Variants in ARHGAP40 observed in about 807,000 individuals in gnomAD.
ARHGAP40 encodes the protein rho GTPase-activating protein 40.
A neutral mutation model predicts 73.5 loss-of-function variants in ARHGAP40; 43 were observed. That is an observed-to-expected ratio of 0.58 (90% CI 0.46 to 0.75). ARHGAP40 has a LOEUF of 0.75. Among genes scored for constraint, ARHGAP40 ranks in the 30% least tolerant of loss-of-function variants. The pLI is 0.00. For synonymous variants in ARHGAP40, 300 were observed against 352.8 expected (o/e 0.85, Z 1.68); for missense variants, 734 against 861.8 (o/e 0.85, Z 1.86).
chr20:38,605,402 T>C (rs1351076562), intron 1 of ARHGAP40, among the ~76,000 whole-genome samples: 1 of 152,088 alleles, frequency 6.6e-6, no homozygotes, highest in Non-Finnish European at 1.5e-5. Context: ...TGAGCAGGGA[T>C]GAATAGAGTC....
chr20:38,629,588 C>T (rs1460165521), exon 5 of ARHGAP40: 2 of 1,305,430 alleles, frequency 1.5e-6, no homozygotes, highest in Non-Finnish European at 2.0e-6. Context: ...AGCTGCGGTG[C>T]TCCTGCAGAG....
chr20:38,640,612 T>C (rs1280224883), intron 9 of ARHGAP40, among the ~76,000 whole-genome samples: 1 of 152,180 alleles, frequency 6.6e-6, no homozygotes, highest in Non-Finnish European at 1.5e-5. Context: ...CACTTCTTAC[T>C]AGGCCCACCT....
chr20:38,603,307 C>T (rs2088747262), intron 1 of ARHGAP40, among the ~76,000 whole-genome samples: 1 of 152,224 alleles, frequency 6.6e-6, no homozygotes, highest in Non-Finnish European at 1.5e-5. Flanking sequence ...CGCTGAGCTC[C>T]TATGTGCGTG....
rs1452847191 is a variant in ARHGAP40, at chr20:38,637,647, G to T, written c.950-61G>T. The T allele has an allele frequency of 3.2e-6, 4 of 1,230,954 alleles. No individual in the cohort carries two copies. The African/African-American group carries it at 6.2e-5, about 19-fold the overall frequency. 76.3% of individuals were successfully genotyped at this position (1,230,954 alleles called of 1,614,324 possible). A position where few individuals can be genotyped will look rare whatever the true frequency, so the allele number is the denominator to read the frequency against. On this transcript the variant is annotated intron_variant, in intron 6 of 14. Transcript: ENST00000373345. The stretch of plus-strand genomic sequence containing the variant: ...TCTAGTTGCCCAGGAGATCCTGTAG[G>T]TCGGAGCCCAGTGATCATTCCAAGA...
At chr20:38,640,856 A>G (rs537915455) in intron 9 of ARHGAP40, among the ~76,000 whole-genome samples, 72 of 152,298 alleles carry the variant, frequency 4.7e-4, no homozygotes, top group African/African-American at 1.7e-3. Context: ...GTGACCCCAC[A>G]CATCATGCTG....
In ARHGAP40 at chr20:38,603,699, G is replaced by A. The variant is rs371078374; in HGVS notation, c.137+1620G>A. Among the ~76,000 whole-genome samples the A allele has an allele frequency of 4.6e-5, 7 of 152,288 alleles. No homozygotes were observed. In the East Asian group the frequency reaches 1.2e-3, roughly 25 times the overall value. On this transcript the variant is annotated intron_variant, in intron 1 of 14. Coordinates refer to ENST00000373345, the Ensembl canonical transcript of ARHGAP40. ...AATGTGTTATCTGACAGTTCTGAAT[G>A]CTGGAAATCCCCAAATCGAGGAGTC...
chr20:38,627,215 G>A (rs562160307), exon 3 of ARHGAP40: 1 of 1,305,120 alleles, frequency 7.7e-7, no homozygotes, highest in Admixed American at 2.3e-5. Context: ...TCAATTCAGG[G>A]GTAAGTGGCA....
chr20:38,615,450 C>A, intron 1 of ARHGAP40: 1 of 705,320 alleles, frequency 1.4e-6, no homozygotes, highest in Non-Finnish European at 2.6e-6. Flanking sequence ...CCTTCTCAGC[C>A]AGGAACTCGA....
At chr20:38,625,390 G>GTT (rs200368086) in intron 2 of ARHGAP40, among the ~76,000 whole-genome samples, 96 of 147,456 alleles carry the variant, frequency 6.5e-4, no homozygotes, top group African/African-American at 2.2e-3. Flanking sequence ...GCCAAGACTG[G>GTT]TTTTTTTTTT....
At chr20:38,629,422 C>G (rs1009651663) in intron 4 of ARHGAP40, 80 bp from the exon 5 acceptor site, 12 of 1,274,558 alleles carry the variant, frequency 9.4e-6, no homozygotes, top group Non-Finnish European at 1.2e-5. Context: ...GACTAAGGGC[C>G]TAAGTCCCGA....
intron 6 of ARHGAP40, among the ~76,000 whole-genome samples, chr20:38,635,385 TG>T (rs1202178470): frequency 6.6e-6 from 1 of 152,186 alleles, no homozygotes; most frequent in Non-Finnish European, 1.5e-5. Context: ...AATTATGGTT[TG>T]GGAGCAGTGG....
chr20:38,648,780 T>C (rs1394095743), intron 14 of ARHGAP40, 82 bp downstream of exon 14: 1 of 1,179,650 alleles, frequency 8.5e-7, no homozygotes, highest in Non-Finnish European at 1.1e-6. Context: ...GGCCCTTCTG[T>C]GGGAGGCCAG....
chr20:38,648,997 C>A (rs192943051), intron 14 of ARHGAP40, among the ~76,000 whole-genome samples: 1 of 152,222 alleles, frequency 6.6e-6, no homozygotes, highest in Admixed American at 6.5e-5. Flanking sequence ...GTGAAACCGA[C>A]GCCTCTGGGA....
chr20:38,643,919 T>A lies in ARHGAP40; in HGVS notation c.1569+9T>A. On this transcript the variant is annotated intron_variant, in intron 11 of 14. Coordinates refer to ENST00000373345, the Ensembl canonical transcript of ARHGAP40. ...AGGATCTGCTGTGGACGGTGAGTGC[T>A]GCTGGGCGCTGGGTATCCCTCTGGG... 7.8e-7 allele frequency: 1 copy of A among 1,288,418 alleles called. No homozygotes were observed. Among genetic ancestry groups the A allele is most frequent in the Non-Finnish European group, 1.0e-6 (1 of 978,930 alleles). The allele number at this position is 1,288,418 out of a possible 1,614,324, so 79.8% of individuals were successfully genotyped here. A position where few individuals can be genotyped will look rare whatever the true frequency, so the allele number is the denominator to read the frequency against.
chr20:38,638,433 G>A (rs1014883848), intron 7 of ARHGAP40, among the ~76,000 whole-genome samples: 3 of 152,106 alleles, frequency 2.0e-5, no homozygotes, highest in African/African-American at 7.2e-5. Context: ...TGATCCTTGG[G>A]GTGGATTTTC....
In ARHGAP40 at chr20:38,646,224, C is replaced by A. The variant is rs1243801421; in HGVS notation, c.1710+37C>A. ...CGACCCCAGACAGGTGGAGAAGGGC[C>A]GAGGCGACAGGAGGGCACCTGGGGC... is the stretch of plus-strand genomic sequence containing the variant. On this transcript the variant is annotated intron_variant, in intron 12 of 14. Transcript: ENST00000373345. The surrounding 1 kb of genome is among the most constrained non-coding windows in gnomAD (Gnocchi z 4.5). 2 of 1,265,806 alleles carry A rather than the reference C, an allele frequency of 1.6e-6. No individual in the cohort carries two copies. The highest frequency in any genetic ancestry group is 3.1e-5 in the African/African-American group (2 of 64,758). 78.4% of individuals were successfully genotyped at this position (1,265,806 alleles called of 1,614,324 possible).
chr20:38,627,317 T>G (rs1001173141), intron 3 of ARHGAP40, 102 bp downstream of exon 3: 2 of 1,013,738 alleles, frequency 2.0e-6, no homozygotes, highest in Middle Eastern at 7.6e-4. Flanking sequence ...GCTGTGTTGG[T>G]GTGTGTATGT....
rs1176933746 is a variant in ARHGAP40, at chr20:38,610,878, CTTTTCTTTTTTT to C, written c.137+8816_137+8827del. ...GTCTGTTTTGTCAATCTTGTGATGT[CTTTTCTTTTTTT>C]TTTTCTTTTTTTTTTTTTTGACAGA... On this transcript the variant is annotated intron_variant, in intron 1 of 14. Coordinates refer to ENST00000373345, the Ensembl canonical transcript of ARHGAP40. Among the ~76,000 whole-genome samples the C allele has an allele frequency of 1.9e-3, 218 of 115,812 alleles. 1 individual carries two copies. The highest frequency in any genetic ancestry group is 4.7e-3 in the Middle Eastern group (1 of 212). 76.0% of individuals were successfully genotyped at this position (115,812 alleles called of 152,430 possible).
At position 38,624,650 on chromosome 20, in the gene ARHGAP40, G is replaced by T. The variant is rs201956848; in HGVS notation, c.337+1092G>T. Among the ~76,000 whole-genome samples the T allele has an allele frequency of 8.6e-4, 14 of 16,294 alleles. No homozygotes were observed. The African/African-American group carries it at 0.034, about 40-fold the overall frequency. 10.7% of individuals were successfully genotyped at this position (16,294 alleles called of 152,430 possible). ...GCACTTTCCTGCCTCAAGTCCTTTGGTTCTCTCTGCTCCCTTGGCCTCAAA... is the reference window on the plus strand; with the variant it reads ...GCACTTTCCTGCCTCAAGTCCTTTGTTTCTCTCTGCTCCCTTGGCCTCAAA... On this transcript the variant is annotated intron_variant, in intron 2 of 14. Coordinates refer to ENST00000373345, the Ensembl canonical transcript of ARHGAP40.
Sources: gnomAD v4.1 joint callset for allele counts (sites outside exome capture counted in the v4.1 genomes callset) on GRCh38, gnomAD v4.1.1 for gene constraint, Gnocchi (gnomAD v3.1) non-coding constraint, MANE v1.5 for transcripts, NCBI Gene and HGNC (gene_info 2026-07-23, HGNC 2026-07-21) for gene names.